The following PCSK7 variants were observed in gnomAD, a reference collection of about 807,000 sequenced individuals.
PCSK7 encodes proprotein convertase subtilisin/kexin type 7, also known as lymphoma proprotein convertase.
PCSK7 carries 38 observed loss-of-function variants against 73.3 expected under a neutral mutation model. The observed-to-expected ratio is 0.52, with a 90% CI of 0.40 to 0.68. The LOEUF (loss-of-function observed/expected upper bound fraction) is 0.68. Among genes scored for constraint, PCSK7 ranks in the 30% least tolerant of loss-of-function variants. The pLI, the probability that PCSK7 is intolerant of heterozygous loss-of-function variation, is 0.00. For synonymous variants in PCSK7, 296 were observed against 383.8 expected (o/e 0.77, Z 2.68); for missense variants, 692 against 991.5 (o/e 0.70, Z 4.06).
At chr11:117,219,311 G>A in intron 10 of PCSK7, 147 bp from the exon 11 acceptor site, 1 of 674,744 alleles carries the variant, frequency 1.5e-6, no homozygotes, top group Non-Finnish European at 2.5e-6. Flanking sequence ...AAGGCAAGCT[G>A]GGACAAAAGG....
intron 9 of PCSK7, chr11:117,221,590 A>G (rs2032191460): frequency 6.6e-6 from 1 of 152,276 alleles, no homozygotes; most frequent in Admixed American, 6.5e-5. Context: ...TAGCAAGGAC[A>G]TTCCAAAGAT....
intron 12 of PCSK7, chr11:117,210,036 G>T (rs1421590124): frequency 1.3e-5 from 2 of 152,324 alleles, no homozygotes; most frequent in Non-Finnish European, 2.9e-5. Context: ...GATCTTGGTT[G>T]TGGTGGTAGT....
In PCSK7 at chr11:117,218,694, C is replaced by T; in HGVS notation, c.1432-126G>A. On this transcript the variant is annotated intron_variant, in intron 11 of 16. Coordinates refer to ENST00000320934, the MANE Select transcript of PCSK7 (RefSeq NM_004716.4). This position sits in a 1 kb window ranked among gnomAD's most constrained non-coding sequence, Gnocchi z 4.0. Reference sequence around the variant, plus strand: ...TAGCTGTCTTTATTTTTCCACTCCTCATCATCTTCCTTCAGCCCTCAGCTC... The same window carrying T: ...TAGCTGTCTTTATTTTTCCACTCCTTATCATCTTCCTTCAGCCCTCAGCTC... The T allele has an allele frequency of 3.3e-6, 2 of 601,270 alleles. No individual in the cohort carries two copies. The highest frequency in any genetic ancestry group is 4.2e-5 in the South Asian group (2 of 47,824). The allele number at this position is 601,270 out of a possible 1,614,324, so 37.2% of individuals were successfully genotyped here.
intron 9 of PCSK7, 85 bp from the exon 10 acceptor site, chr11:117,219,843 T>C: frequency 1.0e-6 from 1 of 1,001,914 alleles, no homozygotes; most frequent in Non-Finnish European, 1.4e-6. Context: ...CCCGGCTACC[T>C]GGGAGGCCCA....
At chr11:117,229,886 G>T in intron 2 of PCSK7, 30 bp from the exon 3 acceptor site, 1 of 1,295,744 alleles carries the variant, frequency 7.7e-7, no homozygotes, top group Non-Finnish European at 1.0e-6. Context: ...ATATGGAAGA[G>T]ATCAAAGAGC....
At chr11:117,223,807 C>T in intron 8 of PCSK7, 1 of 444,644 alleles carries the variant, frequency 2.2e-6, no homozygotes, top group South Asian at 3.4e-5. Flanking sequence ...GAAGGTGGCC[C>T]ACAGAAAGAC....
At chr11:117,230,192 C>T (rs2032590422) in intron 2 of PCSK7, 157 bp downstream of exon 2, 2 of 253,346 alleles carry the variant, frequency 7.9e-6, no homozygotes, top group South Asian at 2.0e-4. Context: ...TCAAAGCACA[C>T]ATCGCTTCCA....
At position 117,232,041 on chromosome 11, in the gene PCSK7, C is replaced by A. The variant is rs978298492; in HGVS notation, c.-147G>T. On this transcript the variant is annotated 5_prime_UTR_variant, in exon 1 of 17. Transcript: ENST00000320934. Reference sequence around the variant, plus strand: ...TCCCAACTCACCGGCCCCGCCGCAGCTGCCGCCGCCTCCCTGCGGAAACTC... The same window carrying A: ...TCCCAACTCACCGGCCCCGCCGCAGATGCCGCCGCCTCCCTGCGGAAACTC... The A allele has an allele frequency of 6.6e-6, 1 of 152,446 alleles. No homozygotes were observed. Among genetic ancestry groups the A allele is most frequent in the Non-Finnish European group, 1.5e-5 (1 of 68,200 alleles). The allele number at this position is 152,446 out of a possible 1,614,324, so 9.4% of individuals were successfully genotyped here.
In PCSK7 at chr11:117,218,391, G is replaced by A. The variant is rs2032069245; in HGVS notation, c.1534+75C>T. On this transcript the variant is annotated intron_variant, in intron 12 of 16. Coordinates refer to ENST00000320934, the MANE Select transcript of PCSK7 (RefSeq NM_004716.4). The surrounding 1 kb of genome is among the most constrained non-coding windows in gnomAD (Gnocchi z 4.0). ...AAAGGGGGTAGAATCTGGCAGGGAG[G>A]ACGAGTTTAACTTCCTTGTCACCCG... 7 of 746,314 alleles carry A rather than the reference G, an allele frequency of 9.4e-6. No homozygotes were observed. Among genetic ancestry groups the A allele is most frequent in the African/African-American group, 1.8e-5 (1 of 55,184 alleles). 46.2% of individuals were successfully genotyped at this position (746,314 alleles called of 1,614,324 possible).
chr11:117,229,236 C>G, intron 3 of PCSK7, 141 bp downstream of exon 3: 1 of 727,174 alleles, frequency 1.4e-6, no homozygotes, highest in Non-Finnish European at 2.3e-6. Flanking sequence ...GAGGGAGAGC[C>G]TAGGGAAACA....
intron 6 of PCSK7, 84 bp from the exon 7 acceptor site, chr11:117,224,839 C>A: frequency 1.0e-6 from 1 of 958,386 alleles, no homozygotes; most frequent in South Asian, 1.3e-5. Flanking sequence ...CAGCTGGCTG[C>A]CCTTTGACCT....
At chr11:117,225,654 C>A (rs1157404677) in intron 6 of PCSK7, 3 of 449,728 alleles carry the variant, frequency 6.7e-6, no homozygotes, top group Non-Finnish European at 1.2e-5. Flanking sequence ...GAGAAGAAAG[C>A]CCGCTTTCTT....
chr11:117,225,234 G>C (rs1009710552), intron 6 of PCSK7: 1 of 157,420 alleles, frequency 6.4e-6, no homozygotes, highest in Non-Finnish European at 1.4e-5. Context: ...GCTAATTTTT[G>C]TATTTTTAGT....
At chr11:117,220,232 T>C (rs1459632579) in intron 9 of PCSK7, 2 of 152,380 alleles carry the variant, frequency 1.3e-5, no homozygotes, top group Admixed American at 6.5e-5. Context: ...TCCCATCCAG[T>C]GCAGATAAGG....
chr11:117,225,796 G>A (rs765995521), intron 6 of PCSK7, 135 bp downstream of exon 6: 182 of 656,844 alleles, frequency 2.8e-4, no homozygotes, highest in Non-Finnish European at 1.8e-4. Context: ...AGAAATGAAG[G>A]CAATGGACTT....
intron 5 of PCSK7, chr11:117,226,874 C>T (rs776898458): frequency 1.0e-5 from 3 of 297,242 alleles, no homozygotes; most frequent in Non-Finnish European, 1.8e-5. Context: ...AATGCAAAGG[C>T]TGCCACCATA....
intron 12 of PCSK7, chr11:117,212,888 T>A (rs943215738): frequency 6.6e-6 from 1 of 152,170 alleles, no homozygotes; most frequent in Non-Finnish European, 1.5e-5. Flanking sequence ...CTAATTTCTG[T>A]ATTTTTTTGT....
chr11:117,218,313 T>G lies in PCSK7; in HGVS notation c.1534+153A>C. On this transcript the variant is annotated intron_variant, in intron 12 of 16. Coordinates refer to ENST00000320934, the MANE Select transcript of PCSK7 (RefSeq NM_004716.4). The surrounding 1 kb of genome is among the most constrained non-coding windows in gnomAD (Gnocchi z 4.0). ...GGGAGCCAACTCAGAAGCAGTAACA[T>G]GTCCTAAAATGGTCAAAGAAAACTC... The G allele has an allele frequency of 2.7e-6, 1 of 373,220 alleles. No homozygotes were observed. The highest frequency in any genetic ancestry group is 4.3e-5 in the South Asian group (1 of 23,352). The allele number at this position is 373,220 out of a possible 1,614,324, so 23.1% of individuals were successfully genotyped here. A position where few individuals can be genotyped will look rare whatever the true frequency, so the allele number is the denominator to read the frequency against.
At chr11:117,215,380 G>GTGTGTGTGTGTGTGTGTATATA (rs1164738557) in intron 12 of PCSK7, 6 of 55,902 alleles carry the variant, frequency 1.1e-4, no homozygotes, top group African/African-American at 3.6e-4. Context: ...GTGTGTGTGT[G>GTGTGTGTGTGTGTGTGTATATA]TATATATATA....
Sources: gnomAD v4.1 joint callset for allele counts on GRCh38, gnomAD v4.1.1 for gene constraint, Gnocchi (gnomAD v3.1) non-coding constraint, MANE v1.5 for transcripts, NCBI Gene and HGNC (gene_info 2026-07-23, HGNC 2026-07-21) for gene names.